The following FHIT variants were observed in gnomAD, a reference collection of about 807,000 sequenced individuals.
FHIT encodes fragile histidine triad diadenosine triphosphatase.
A neutral mutation model predicts 17.9 loss-of-function variants in FHIT; 19 were observed. That is an observed-to-expected ratio of 1.06 (90% CI 0.74 to 1.56). The LOEUF is 1.56. Among genes scored for constraint, FHIT ranks in the 40% most tolerant of loss-of-function variants. The pLI, the probability that FHIT is intolerant of heterozygous loss-of-function variation, is 0.00. For missense variants in FHIT, 248 were observed against 189.2 expected, an observed-to-expected ratio of 1.31 and a Z score of -1.82; for synonymous variants, 81 against 69.7, an observed-to-expected ratio of 1.16 and a Z score of -0.81.
chr3:60,028,897 C>A (rs985250905), intron 5 of FHIT, among the ~76,000 whole-genome samples: 3 of 148,098 alleles, frequency 2.0e-5, no homozygotes, highest in Admixed American at 2.0e-4. Context: ...ATTGAAAACA[C>A]AAAGGATGAA....
intron 2 of FHIT, among the ~76,000 whole-genome samples, chr3:61,157,356 C>T (rs2037562124): frequency 6.6e-6 from 1 of 152,066 alleles, no homozygotes; most frequent in Non-Finnish European, 1.5e-5. Flanking sequence ...AATCTACCAT[C>T]CTGCAAATTC....
intron 7 of FHIT, among the ~76,000 whole-genome samples, chr3:59,928,032 C>T (rs1370487685): frequency 2.6e-5 from 4 of 152,044 alleles, no homozygotes; most frequent in Non-Finnish European, 5.9e-5. Flanking sequence ...AAACATGGCT[C>T]ATGGCGGGGG....
At chr3:60,100,190 C>A (rs977256182) in intron 5 of FHIT, among the ~76,000 whole-genome samples, 2 of 151,982 alleles carry the variant, frequency 1.3e-5, no homozygotes, top group African/African-American at 2.4e-5. Context: ...ACCAGCCTGA[C>A]CCCCGTCAAT....
At chr3:60,574,877 C>T (rs1160081715) in intron 4 of FHIT, among the ~76,000 whole-genome samples, 1 of 151,742 alleles carries the variant, frequency 6.6e-6, no homozygotes, top group African/African-American at 2.4e-5. Context: ...TGTTGCCCCC[C>T]ACCCCCCATG....
intron 5 of FHIT, among the ~76,000 whole-genome samples, chr3:60,339,030 TA>T (rs1214492453): frequency 6.6e-6 from 1 of 152,202 alleles, no homozygotes; most frequent in Non-Finnish European, 1.5e-5. Context: ...ATATAGTTTG[TA>T]AAACTTTACA....
intron 2 of FHIT, among the ~76,000 whole-genome samples, chr3:61,163,602 T>C (rs1345864550): frequency 6.6e-6 from 1 of 152,158 alleles, no homozygotes; most frequent in East Asian, 1.9e-4. Flanking sequence ...TAGGCCTTAT[T>C]CAAGAGGCAC....
chr3:60,349,064 T>G (rs1710944310), intron 5 of FHIT, among the ~76,000 whole-genome samples: 1 of 152,342 alleles, frequency 6.6e-6, no homozygotes, highest in African/African-American at 2.4e-5. Flanking sequence ...ACATATAAGC[T>G]TTGTACTTTG....
intron 5 of FHIT, among the ~76,000 whole-genome samples, chr3:60,504,814 A>G (rs77507979): frequency 0.011 from 1,608 of 152,336 alleles, 15 homozygotes; most frequent in South Asian, 0.031. Flanking sequence ...AGTAAGCCCA[A>G]TGTGGAAATG....
intron 5 of FHIT, among the ~76,000 whole-genome samples, chr3:60,413,756 A>G (rs943147073): frequency 9.9e-5 from 15 of 152,142 alleles, no homozygotes; most frequent in Admixed American, 9.2e-4. Flanking sequence ...GTCCATGTCA[A>G]TAACAAAAAA....
At chr3:60,605,259 A>C (rs2038573465) in intron 4 of FHIT, among the ~76,000 whole-genome samples, 1 of 152,148 alleles carries the variant, frequency 6.6e-6, no homozygotes, top group African/African-American at 2.4e-5. Context: ...AATCCCTTCA[A>C]ATCACTGCAA....
intron 5 of FHIT, among the ~76,000 whole-genome samples, chr3:60,344,047 G>A (rs1341164318): frequency 6.6e-6 from 1 of 152,196 alleles, no homozygotes; most frequent in Non-Finnish European, 1.5e-5. Flanking sequence ...GCCGACCTCA[G>A]TGGAACAGAC....
intron 3 of FHIT, among the ~76,000 whole-genome samples, chr3:60,884,894 G>C (rs2107143966): frequency 7.9e-6 from 1 of 127,050 alleles, no homozygotes; most frequent in East Asian, 2.0e-4. Context: ...CTAGGTGACA[G>C]ACTGAGACCC....
At chr3:60,249,082 A>G (rs1310080566) in intron 5 of FHIT, among the ~76,000 whole-genome samples, 1 of 152,152 alleles carries the variant, frequency 6.6e-6, no homozygotes, top group African/African-American at 2.4e-5. Context: ...TGAGGGCTCC[A>G]TAAAACTTCT....
intron 4 of FHIT, among the ~76,000 whole-genome samples, chr3:60,679,498 A>G (rs931503344): frequency 4.6e-5 from 7 of 152,168 alleles, no homozygotes; most frequent in Non-Finnish European, 7.4e-5. Flanking sequence ...TTTTTAAACC[A>G]AATTCGGATT....
intron 8 of FHIT, among the ~76,000 whole-genome samples, chr3:59,817,518 G>A (rs1203659406): frequency 2.8e-5 from 4 of 143,856 alleles, no homozygotes; most frequent in African/African-American, 7.8e-5. Flanking sequence ...AGTTCTGATC[G>A]TGCCACTGTA....
At chr3:59,926,836 G>A (rs1335346204) in intron 7 of FHIT, among the ~76,000 whole-genome samples, 1 of 152,164 alleles carries the variant, frequency 6.6e-6, no homozygotes, top group African/African-American at 2.4e-5. Context: ...ACAAGCGTTG[G>A]CCAGAGTGTG....
intron 2 of FHIT, among the ~76,000 whole-genome samples, chr3:61,098,332 T>C (rs1474317855): frequency 2.0e-5 from 3 of 152,204 alleles, no homozygotes; most frequent in Non-Finnish European, 2.9e-5. Context: ...ACCAGAGCCA[T>C]GCTGTTTTGG....
chr3:60,382,180 G>T (rs1700825602), intron 5 of FHIT, among the ~76,000 whole-genome samples: 1 of 152,122 alleles, frequency 6.6e-6, no homozygotes, highest in South Asian at 2.1e-4. Context: ...ATTTTAATTG[G>T]CATCCTGGAG....
intron 8 of FHIT, among the ~76,000 whole-genome samples, chr3:59,860,909 G>C (rs916856636): frequency 5.3e-5 from 8 of 152,142 alleles, no homozygotes; most frequent in Non-Finnish European, 1.2e-4. Flanking sequence ...CCCCCAGCTA[G>C]TAAATGGCAG....
Sources: gnomAD v4.1 joint callset for allele counts (sites outside exome capture counted in the v4.1 genomes callset) on GRCh38, gnomAD v4.1.1 for gene constraint, MANE v1.5 for transcripts, NCBI Gene and HGNC (gene_info 2026-07-23, HGNC 2026-07-21) for gene names.